CAMKK2: variants seen among roughly 807,000 people sequenced by gnomAD.
CAMKK2 encodes the protein calcium/calmodulin dependent protein kinase kinase 2, also known as calcium/calmodulin-dependent protein kinase kinase 2.
A neutral mutation model predicts 67.2 loss-of-function variants in CAMKK2; 30 were observed. That is an observed-to-expected ratio of 0.45 (90% CI 0.33 to 0.61). The LOEUF (loss-of-function observed/expected upper bound fraction) is 0.61, where lower values mean the gene tolerates loss of function less well. Among genes scored for constraint, CAMKK2 ranks in the 20% least tolerant of loss-of-function variants. The probability of loss-of-function intolerance (pLI) is 0.02; values close to 1 mark genes in which losing one functional copy is unlikely to be tolerated. For missense variants in CAMKK2, 643 were observed against 802.0 expected (o/e 0.80, Z 2.39); for synonymous variants, 322 against 326.2 (o/e 0.99, Z 0.14).
At chr12:121,251,848 A>T (rs2136211530) in intron 11 of CAMKK2, among the ~76,000 whole-genome samples, 1 of 135,528 alleles carries the variant, frequency 7.4e-6, no homozygotes. Context: ...AAAAAAAAAT[A>T]GAGAGAGAAG....
intron 1 of CAMKK2, among the ~76,000 whole-genome samples, chr12:121,275,209 C>G (rs571127727): frequency 6.6e-6 from 1 of 152,234 alleles, no homozygotes; most frequent in South Asian, 2.1e-4. Context: ...CAGGGCTGGA[C>G]ACGGTGGCTC....
rs1157139302 is a variant in CAMKK2, at chr12:121,238,959, C to G, written c.*1740G>C. 1.3e-5 allele frequency: 2 copies of G among 152,666 alleles called. No individual in the cohort carries two copies. Among genetic ancestry groups the G allele is most frequent in the African/African-American group, 4.8e-5 (2 of 41,462 alleles). 9.5% of individuals were successfully genotyped at this position (152,666 alleles called of 1,614,324 possible). On this transcript the variant is annotated 3_prime_UTR_variant, in exon 17 of 17. Coordinates refer to ENST00000404169, the MANE Select transcript of CAMKK2 (RefSeq NM_001270485.2). The stretch of plus-strand genomic sequence containing the variant: ...TGCTGGGTTACAAAGACCCAGCAAG[C>G]AGGCCAGACGACCCTCTCTAGACTA...
chr12:121,293,608 A>G (rs1900547247), intron 1 of CAMKK2, among the ~76,000 whole-genome samples: 1 of 151,840 alleles, frequency 6.6e-6, no homozygotes, highest in African/African-American at 2.4e-5. Context: ...CTCCCCTGAG[A>G]GTGGTGTCTG....
intron 7 of CAMKK2, among the ~76,000 whole-genome samples, chr12:121,257,080 T>C (rs1892449326): frequency 6.6e-6 from 1 of 151,694 alleles, no homozygotes; most frequent in African/African-American, 2.4e-5. Context: ...CTGGGGTTGC[T>C]TGTTGTTCTG....
chr12:121,260,623 A>G (rs1278867750), intron 6 of CAMKK2: 5 of 539,334 alleles, frequency 9.3e-6, no homozygotes, highest in Non-Finnish European at 1.6e-5. Flanking sequence ...GGGCCAAAAT[A>G]CTCCCCTGGA....
chr12:121,281,468 C>T (rs900057500), intron 1 of CAMKK2, among the ~76,000 whole-genome samples: 11 of 152,390 alleles, frequency 7.2e-5, no homozygotes, highest in African/African-American at 2.4e-4. Context: ...CAGCCACACC[C>T]TGTCTCACAT....
At position 121,248,700 on chromosome 12, in the gene CAMKK2, G is replaced by T. The variant is rs200053670; in HGVS notation, c.1358C>A (p.Pro453Gln). ...GCAGTTCTCATCCTCCGACGGCAAC[G>T]GCTCCGCCCCATGCCTCGTGACCCA... ...HPWVTRHGAE[P>Q]LPSEDENCTL... Residue 453 changes from proline to glutamine, a missense_variant, in exon 14 of 17, where the codon CCG becomes CAG. By Grantham distance (76) the Pro-to-Gln change is moderately conservative (BLOSUM62 -1). Coordinates refer to ENST00000404169, the MANE Select transcript of CAMKK2 (RefSeq NM_001270485.2). 6.2e-7 allele frequency: 1 copy of T among 1,614,178 alleles called. No individual in the cohort carries two copies. The highest frequency in any genetic ancestry group is 1.1e-5 in the South Asian group (1 of 91,088).
chr12:121,253,906 C>G lies in CAMKK2; in HGVS notation c.908-434G>C, dbSNP rs1486591376. ...CAAACCGACAATGACCTGAGCAGGC[C>G]GATTTGAAATGTGAACCACACACAG... On this transcript the variant is annotated intron_variant, in intron 9 of 16. Transcript: ENST00000404169. The surrounding 1 kb of genome is among the most constrained non-coding windows in gnomAD (Gnocchi z 5.0). Among the ~76,000 whole-genome samples, 1 of 152,074 alleles carries G rather than the reference C, an allele frequency of 6.6e-6. No homozygotes were observed. Among genetic ancestry groups the G allele is most frequent in the Non-Finnish European group, 1.5e-5 (1 of 68,024 alleles).
chr12:121,250,663 G>T (rs571339758), intron 11 of CAMKK2, among the ~76,000 whole-genome samples: 1 of 152,096 alleles, frequency 6.6e-6, no homozygotes, highest in African/African-American at 2.4e-5. Flanking sequence ...TGACGTTATC[G>T]TACAGATTTG....
At chr12:121,249,727 G>A (rs1442861569) in intron 13 of CAMKK2, 60 bp downstream of exon 13, 58 of 1,387,854 alleles carry the variant, frequency 4.2e-5, no homozygotes, top group Non-Finnish European at 3.1e-6. Flanking sequence ...GTGGGGTCTG[G>A]CTGAGGCATG....
At chr12:121,256,561 C>A (rs1204556029) in intron 7 of CAMKK2, among the ~76,000 whole-genome samples, 2 of 152,120 alleles carry the variant, frequency 1.3e-5, no homozygotes, top group Non-Finnish European at 2.9e-5. Flanking sequence ...CTATTCTTCC[C>A]TCCCTCAATC....
At chr12:121,283,156 G>A (rs912434401) in intron 1 of CAMKK2, among the ~76,000 whole-genome samples, 2 of 152,168 alleles carry the variant, frequency 1.3e-5, no homozygotes, top group East Asian at 1.9e-4. Flanking sequence ...CGGAGAAGCC[G>A]GCTGCCTTGG....
intron 1 of CAMKK2, among the ~76,000 whole-genome samples, chr12:121,276,675 G>A (rs950678965): frequency 6.6e-6 from 1 of 151,678 alleles, no homozygotes; most frequent in African/African-American, 2.4e-5. Context: ...ACATCACAAA[G>A]GGTCTCTCTG....
intron 6 of CAMKK2, among the ~76,000 whole-genome samples, chr12:121,260,880 G>A (rs940480621): frequency 1.3e-5 from 2 of 151,416 alleles, no homozygotes; most frequent in African/African-American, 4.9e-5. Context: ...TTGAACCTGG[G>A]AGGCAGAGGT....
At chr12:121,281,550 T>C (rs980740275) in intron 1 of CAMKK2, among the ~76,000 whole-genome samples, 4 of 152,254 alleles carry the variant, frequency 2.6e-5, no homozygotes, top group East Asian at 1.9e-4. Context: ...TGTTCTTACA[T>C]GTAGTAATTA....
chr12:121,246,253 C>CGG (rs146641557), intron 14 of CAMKK2, among the ~76,000 whole-genome samples: 64 of 83,334 alleles, frequency 7.7e-4, no homozygotes, highest in African/African-American at 2.4e-3. Context: ...AAAGAAGGAG[C>CGG]GGGGGGGGGG....
upstream of CAMKK2, chr12:121,297,347 C>T (rs944689346): frequency 3.1e-6 from 1 of 318,214 alleles, no homozygotes; most frequent in Admixed American, 4.0e-5. Flanking sequence ...GGGGGAGCCC[C>T]CTTCCGCAGC....
intron 1 of CAMKK2, among the ~76,000 whole-genome samples, chr12:121,286,878 T>A (rs994419092): frequency 2.0e-5 from 3 of 152,030 alleles, no homozygotes; most frequent in African/African-American, 7.2e-5. Flanking sequence ...GTTACTGAAT[T>A]CACGACCCTC....
intron 16 of CAMKK2, 54 bp downstream of exon 16, chr12:121,244,519 A>C (rs1343525547): frequency 6.6e-7 from 1 of 1,522,106 alleles, no homozygotes; most frequent in East Asian, 2.5e-5. Context: ...GCAGCTGCCC[A>C]CCCGCCCCCC....
Sources: allele counts gnomAD v4.1 joint callset (sites outside exome capture counted in the v4.1 genomes callset), GRCh38; gene constraint gnomAD v4.1.1; non-coding constraint Gnocchi (gnomAD v3.1); transcripts MANE v1.5; gene names NCBI Gene and HGNC (gene_info 2026-07-23, HGNC 2026-07-21).